HCN2: variants seen among roughly 807,000 people sequenced by gnomAD.
HCN2 encodes the protein potassium/sodium hyperpolarization-activated cyclic nucleotide-gated channel 2.
A neutral mutation model predicts 52.3 loss-of-function variants in HCN2; 20 were observed. The observed-to-expected ratio is 0.38, with a 90% CI of 0.27 to 0.56. HCN2 has a LOEUF of 0.56. Ranked by LOEUF, HCN2 falls within the 20% of genes least tolerant of loss-of-function variation. The pLI is 0.71. For missense variants in HCN2, 981 were observed against 1,207.7 expected, an observed-to-expected ratio of 0.81 and a Z score of 2.78; for synonymous variants, 694 against 537.0, an observed-to-expected ratio of 1.29 and a Z score of -4.04.
chr19:602,584 T>C (rs1414540818), intron 1 of HCN2, among the ~76,000 whole-genome samples: 1 of 152,168 alleles, frequency 6.6e-6, no homozygotes, highest in Non-Finnish European at 1.5e-5. Context: ...CACCCTGGCT[T>C]CCCGCCTTCG....
Position 589,944 on chromosome 19 carries a change from C to T in HCN2, c.-2C>T, listed in dbSNP as rs2041287297. 2 of 939,930 alleles carry T rather than the reference C, an allele frequency of 2.1e-6. No individual in the cohort carries two copies. The highest frequency in any genetic ancestry group is 2.5e-6 in the Non-Finnish European group (2 of 800,378). 58.2% of individuals were successfully genotyped at this position (939,930 alleles called of 1,614,324 possible). ...CTCCGCACTGCCCGGCGCCGCCTCG[C>T]CATGGACGCGCGCGGGGGCGGCGGG... On this transcript the variant is annotated 5_prime_UTR_variant, in exon 1 of 8. Coordinates refer to ENST00000251287, the MANE Select transcript of HCN2 (RefSeq NM_001194.4).
chr19:604,360 A>T (rs1257919890), intron 2 of HCN2, among the ~76,000 whole-genome samples: 2 of 112,552 alleles, frequency 1.8e-5, no homozygotes, highest in South Asian at 5.8e-4. Flanking sequence ...GCAGGGGTGG[A>T]GCTACAATGG....
intron 5 of HCN2, among the ~76,000 whole-genome samples, chr19:611,732 C>T (rs867590495): frequency 2.0e-5 from 3 of 152,318 alleles, no homozygotes; most frequent in South Asian, 2.1e-4. Flanking sequence ...AGAACATTCT[C>T]ATGGGCCCAA....
rs558779080 is a variant in HCN2 at position 616,005 on chromosome 19, C to T, written c.2201C>T (p.Ala734Val). Residue 734 changes from alanine (A) to valine (V), a missense_variant, in exon 8 of 8, where the codon GCG (alanine) becomes GTG (valine). Coordinates refer to ENST00000251287, the MANE Select transcript of HCN2 (RefSeq NM_001194.4). ...GCCATCGCCACGCTGCAGCAGGCGG[C>T]GGCCATGAGCTTCTGCCCGCAGGTG... Reference protein sequence around the residue: ...TSAIATLQQAAAMSFCPQVAR... With the variant: ...TSAIATLQQAVAMSFCPQVAR... The T allele has an allele frequency of 8.6e-6, 13 of 1,512,064 alleles. No individual in the cohort carries two copies. In the East Asian group the frequency reaches 2.1e-4, roughly 25 times the overall value. 93.7% of individuals were successfully genotyped at this position (1,512,064 alleles called of 1,614,324 possible).
chr19:613,777 C>A (rs1325549918), intron 6 of HCN2, 75 bp from the exon 7 acceptor site: 32 of 1,388,500 alleles, frequency 2.3e-5, no homozygotes, highest in Non-Finnish European at 2.9e-5. Flanking sequence ...GTGCAGAGGC[C>A]GGGCCGTGTG....
intron 5 of HCN2, among the ~76,000 whole-genome samples, chr19:611,390 T>C (rs4919872): frequency 0.52 from 79,061 of 151,618 alleles, 20,820 homozygotes; most frequent in South Asian, 0.54. Context: ...AGCAAGGCCG[T>C]GTGTGAGCCA....
rs776528930 is a variant in HCN2 at position 603,664 on chromosome 19, G to C, written c.753G>C (p.Ser251=). ...TAPWIVFNVV[S]DTFFLMDLVL... ...CGTGGATCGTGTTCAACGTGGTCTC[G>C]GACACCTTCTTCCTCATGGACCTGG... Residue 251 remains serine, a synonymous_variant, in exon 2 of 8, where the codon TCG becomes TCC. Transcript: ENST00000251287. 4 of 1,612,480 alleles carry C rather than the reference G, an allele frequency of 2.5e-6. No homozygotes were observed. Among genetic ancestry groups the C allele is most frequent in the Admixed American group, 1.7e-5 (1 of 59,966 alleles).
chr19:610,553 C>T (rs1203028928), intron 5 of HCN2, 148 bp downstream of exon 5: 27 of 667,826 alleles, frequency 4.0e-5, no homozygotes, highest in Non-Finnish European at 5.3e-5. Flanking sequence ...CACACCCTCC[C>T]CTCCCCGCCC....
chr19:605,050 C>A lies in HCN2; in HGVS notation c.1057-11C>A. On this transcript the variant is annotated splice_polypyrimidine_tract_variant and intron_variant, in intron 2 of 7. Transcript: ENST00000251287. ...CAGCGGGTAGGGTGGGCTCACGGCG[C>A]CTTCCTGCAGATCTTCCACATGACC... The A allele has an allele frequency of 6.2e-7, 1 of 1,606,204 alleles. No homozygotes were observed. The highest frequency in any genetic ancestry group is 8.5e-7 in the Non-Finnish European group (1 of 1,175,962).
chr19:600,148 C>T (rs1188848015), intron 1 of HCN2, among the ~76,000 whole-genome samples: 1 of 152,098 alleles, frequency 6.6e-6, no homozygotes, highest in African/African-American at 2.4e-5. Context: ...GAGCCCTTGG[C>T]CCCAGAGCCC....
chr19:612,393 G>GGTGGGTGGGTGTGTGTGTGT (rs1215986490), intron 5 of HCN2, among the ~76,000 whole-genome samples: 2 of 141,874 alleles, frequency 1.4e-5, no homozygotes, highest in South Asian at 4.6e-4. Flanking sequence ...GCTTTCCACT[G>GGTGGGTGGGTGTGTGTGTGT]GTGTGTGTGT....
chr19:612,106 C>T (rs1371959858), intron 5 of HCN2, among the ~76,000 whole-genome samples: 1 of 151,974 alleles, frequency 6.6e-6, no homozygotes, highest in East Asian at 1.9e-4. Flanking sequence ...GATTGTGCCA[C>T]TGCACTCCAG....
At chr19:597,030 C>A (rs2144507629) in intron 1 of HCN2, among the ~76,000 whole-genome samples, 1 of 152,316 alleles carries the variant, frequency 6.6e-6, no homozygotes, top group Admixed American at 6.5e-5. Context: ...TCCTTCTGAC[C>A]TCTGGCTGGT....
At chr19:613,795 G>T in intron 6 of HCN2, 57 bp from the exon 7 acceptor site, 7 of 1,433,972 alleles carry the variant, frequency 4.9e-6, no homozygotes, top group Non-Finnish European at 6.4e-6. Context: ...GTGCCTGGGC[G>T]GGGAGGGCCG....
intron 1 of HCN2, among the ~76,000 whole-genome samples, chr19:599,537 T>C (rs539835016): frequency 6.6e-6 from 1 of 151,480 alleles, no homozygotes; most frequent in African/African-American, 2.4e-5. Flanking sequence ...CCCAGCACTT[T>C]AGGAGGCCAA....
chr19:612,561 C>A (rs921353925), intron 5 of HCN2, among the ~76,000 whole-genome samples: 1 of 151,806 alleles, frequency 6.6e-6, no homozygotes, highest in African/African-American at 2.4e-5. Context: ...TTACAGGCAC[C>A]CGCCACCACA....
chr19:597,212 C>T (rs1197667844), intron 1 of HCN2, among the ~76,000 whole-genome samples: 2 of 152,214 alleles, frequency 1.3e-5, no homozygotes, highest in Admixed American at 1.3e-4. Context: ...GCAAGATGGG[C>T]TGAGGAGTCC....
rs570065101 is a variant in HCN2 at position 591,863 on chromosome 19, T to A, written c.632+1286T>A. ...GTGCTTGACTGGAGAAACTGAGGCCTGGGGCACATGCGTCCTGGACAGAGC... is the reference window on the plus strand; with the variant it reads ...GTGCTTGACTGGAGAAACTGAGGCCAGGGGCACATGCGTCCTGGACAGAGC... On this transcript the variant is annotated intron_variant, in intron 1 of 7. Coordinates refer to ENST00000251287, the MANE Select transcript of HCN2 (RefSeq NM_001194.4). The surrounding 1 kb of genome is among the most constrained non-coding windows in gnomAD (Gnocchi z 4.1). Among the ~76,000 whole-genome samples the A allele has an allele frequency of 2.8e-4, 42 of 152,260 alleles. No individual in the cohort carries two copies. Among genetic ancestry groups the A allele is most frequent in the African/African-American group, 9.6e-4 (40 of 41,548 alleles).
chr19:614,266 T>C (rs1308031056), intron 7 of HCN2, among the ~76,000 whole-genome samples: 1 of 152,170 alleles, frequency 6.6e-6, no homozygotes, highest in Non-Finnish European at 1.5e-5. Flanking sequence ...TTCTGACCTA[T>C]TGTCCTACTT....
Sources: allele counts gnomAD v4.1 joint callset (sites outside exome capture counted in the v4.1 genomes callset), GRCh38; gene constraint gnomAD v4.1.1; non-coding constraint Gnocchi (gnomAD v3.1); transcripts MANE v1.5; gene names NCBI Gene and HGNC (gene_info 2026-07-23, HGNC 2026-07-21).